The following HUNK variants were observed in gnomAD, a reference collection of about 807,000 sequenced individuals.
The protein encoded by HUNK is hormonally up-regulated neu tumor-associated kinase.
HUNK carries 21 observed loss-of-function variants against 61.0 expected under a neutral mutation model. That is an observed-to-expected ratio of 0.34 (90% CI 0.24 to 0.50). The LOEUF is 0.50. Ranked by LOEUF, HUNK falls within the 20% of genes least tolerant of loss-of-function variation. HUNK has a pLI of 0.98. For synonymous variants in HUNK, 371 were observed against 386.1 expected, an observed-to-expected ratio of 0.96 and a Z score of 0.46; for missense variants, 772 against 945.7, an observed-to-expected ratio of 0.82 and a Z score of 2.41.
At chr21:31,915,240 A>G (rs1306595141) in intron 1 of HUNK, among the ~76,000 whole-genome samples, 1 of 152,144 alleles carries the variant, frequency 6.6e-6, no homozygotes. Flanking sequence ...TTATACCTAG[A>G]ACCCTGGCAG....
At chr21:31,885,679 C>T (rs914066316) in intron 1 of HUNK, among the ~76,000 whole-genome samples, 12 of 152,166 alleles carry the variant, frequency 7.9e-5, no homozygotes, top group African/African-American at 2.2e-4. Context: ...TCCTGTGTCT[C>T]TTTACATCGT....
chr21:31,931,608 C>T (rs1008993069), intron 2 of HUNK, among the ~76,000 whole-genome samples: 1 of 152,100 alleles, frequency 6.6e-6, no homozygotes, highest in Non-Finnish European at 1.5e-5. Context: ...CAGCACCTGT[C>T]CTTACTCCCT....
rs2052231849 is a variant in HUNK, at chr21:31,873,625, G to A, written c.-50G>A. 1.0e-6 allele frequency: 1 copy of A among 986,594 alleles called. No individual in the cohort carries two copies. The highest frequency in any genetic ancestry group is 1.2e-6 in the Non-Finnish European group (1 of 831,334). 61.1% of individuals were successfully genotyped at this position (986,594 alleles called of 1,614,324 possible). On this transcript the variant is annotated 5_prime_UTR_variant, in exon 1 of 11. Transcript: ENST00000270112. The surrounding 1 kb of genome is among the most constrained non-coding windows in gnomAD (Gnocchi z 6.1). ...AAGCCGAAGAGCCTGGGGAGGAGGA[G>A]CTGCGAGCGCGGGAGACGAGCAGGA... is the stretch of plus-strand genomic sequence containing the variant.
At chr21:31,936,839 G>T (rs953399733) in intron 2 of HUNK, among the ~76,000 whole-genome samples, 1 of 152,034 alleles carries the variant, frequency 6.6e-6, no homozygotes, top group African/African-American at 2.4e-5. Context: ...ACCCAACTTA[G>T]TTTTATTGTT....
At chr21:31,883,736 G>A (rs541651655) in intron 1 of HUNK, among the ~76,000 whole-genome samples, 17 of 152,228 alleles carry the variant, frequency 1.1e-4, no homozygotes, top group South Asian at 6.2e-4. Context: ...CATGGGTTTC[G>A]TCATACTCTA....
rs2053222710 is a variant in HUNK at position 31,998,652 on chromosome 21, A to G, written c.1613A>G (p.His538Arg). The change falls in exon 11 of 11, where the codon CAT becomes CGT. Residue 538 changes from histidine (H) to arginine (R), a missense_variant. By Grantham distance (29) the His-to-Arg change is conservative. Around this residue, in one of 2 missense-constraint regions of HUNK, gnomAD observed 413 missense variants for 444.4 expected, o/e 0.93. Transcript: ENST00000270112. Reference protein sequence around the residue: ...TPRIVKKPEPHQPGPGSTGIP... With the variant: ...TPRIVKKPEPRQPGPGSTGIP... The stretch of plus-strand genomic sequence containing the variant: ...AGGATTGTGAAGAAACCGGAGCCCC[A>G]TCAGCCAGGGCCCGGAAGCACTGGC... The G allele has an allele frequency of 1.2e-6, 2 of 1,614,102 alleles. No individual in the cohort carries two copies. The highest frequency in any genetic ancestry group is 1.7e-6 in the Non-Finnish European group (2 of 1,180,020).
intron 4 of HUNK, among the ~76,000 whole-genome samples, chr21:31,948,068 C>G (rs934311818): frequency 3.9e-5 from 6 of 152,162 alleles, no homozygotes; most frequent in African/African-American, 1.4e-4. Context: ...GAAGAAGAAA[C>G]CCATCATAAG....
intron 5 of HUNK, among the ~76,000 whole-genome samples, chr21:31,961,508 T>A (rs2052928610): frequency 6.6e-6 from 1 of 152,224 alleles, no homozygotes; most frequent in East Asian, 1.9e-4. Context: ...CATTTTGCAT[T>A]CCCACTAGCA....
intron 2 of HUNK, among the ~76,000 whole-genome samples, chr21:31,929,548 C>T (rs531643388): frequency 1.3e-5 from 2 of 152,180 alleles, no homozygotes; most frequent in East Asian, 1.9e-4. Context: ...TCACCAAGAA[C>T]GCCGATTCTG....
intron 9 of HUNK, 56 bp downstream of exon 9, chr21:31,990,232 A>G (rs899253178): frequency 7.3e-5 from 104 of 1,429,094 alleles, no homozygotes; most frequent in African/African-American, 3.2e-4. Flanking sequence ...AACAGAACCA[A>G]TAGAGTATGG....
chr21:31,968,745 TGTGTGTGTGA>T lies in HUNK; in HGVS notation c.1010+362_1010+371del, dbSNP rs768660754. Among the ~76,000 whole-genome samples, 234 of 142,296 alleles carry T rather than the reference TGTGTGTGTGA, an allele frequency of 1.6e-3. 1 individual carries two copies. Among genetic ancestry groups the T allele is most frequent in the South Asian group, 0.013 (60 of 4,524 alleles). The allele number at this position is 142,296 out of a possible 152,430, so 93.4% of individuals were successfully genotyped here. On this transcript the variant is annotated intron_variant, in intron 6 of 10. Coordinates refer to ENST00000270112, the MANE Select transcript of HUNK (RefSeq NM_014586.2). Reference sequence around the variant, plus strand: ...GTGTGTGTGTGTGTGTGTGTGTGTGTGTGTGTGTGAGAGAGAGAGAGTGAGTGTCTATGTC... The same window carrying T: ...GTGTGTGTGTGTGTGTGTGTGTGTGTGAGAGAGAGAGTGAGTGTCTATGTC...
chr21:31,921,728 C>A (rs943438479), intron 1 of HUNK, among the ~76,000 whole-genome samples: 5 of 152,164 alleles, frequency 3.3e-5, no homozygotes, highest in Admixed American at 3.3e-4. Flanking sequence ...TTAGTTCACC[C>A]TGGGGGTGGC....
chr21:31,995,628 C>A (rs2053199109), intron 9 of HUNK, 140 bp from the exon 10 acceptor site: 1 of 729,664 alleles, frequency 1.4e-6, no homozygotes, highest in Non-Finnish European at 2.3e-6. Flanking sequence ...ACAGCTCCTC[C>A]CTCATTCAAC....
intron 1 of HUNK, among the ~76,000 whole-genome samples, chr21:31,881,228 A>G (rs771365577): frequency 6.6e-6 from 1 of 152,196 alleles, no homozygotes; most frequent in Non-Finnish European, 1.5e-5. Flanking sequence ...TCCATACCAT[A>G]TGGACCGTAG....
intron 4 of HUNK, among the ~76,000 whole-genome samples, chr21:31,947,342 T>C (rs1195852216): frequency 2.1e-5 from 3 of 144,708 alleles, no homozygotes; most frequent in Non-Finnish European, 4.5e-5. Flanking sequence ...CAGTGGCGCC[T>C]GCGCATTCCC....
chr21:31,899,351 G>T (rs2052447483), intron 1 of HUNK, among the ~76,000 whole-genome samples: 1 of 152,142 alleles, frequency 6.6e-6, no homozygotes, highest in South Asian at 2.1e-4. Context: ...CCTAGCTCTG[G>T]TGGTTGCCTG....
intron 1 of HUNK, among the ~76,000 whole-genome samples, chr21:31,904,853 A>G (rs2052494005): frequency 6.6e-6 from 1 of 152,166 alleles, no homozygotes; most frequent in African/African-American, 2.4e-5. Context: ...GCACTTTGGG[A>G]GGCCAAGGTG....
At position 31,997,786 on chromosome 21, in the gene HUNK, T is replaced by A. The variant is rs192592090; in HGVS notation, c.1487-740T>A. Among the ~76,000 whole-genome samples, 359 of 152,356 alleles carry A rather than the reference T, an allele frequency of 2.4e-3. 2 individuals are homozygous for A. The highest frequency in any genetic ancestry group is 8.0e-3 in the African/African-American group (334 of 41,590). On this transcript the variant is annotated intron_variant, in intron 10 of 10. Coordinates refer to ENST00000270112, the MANE Select transcript of HUNK (RefSeq NM_014586.2). ...GGGAAACATGTCTTCCACTGTGGGC[T>A]GTCCAAGGACCAGATTGGCAGGAAT...
intron 1 of HUNK, among the ~76,000 whole-genome samples, chr21:31,908,968 A>G (rs1247999603): frequency 6.6e-6 from 1 of 152,140 alleles, no homozygotes; most frequent in African/African-American, 2.4e-5. Flanking sequence ...AAAAACTTGT[A>G]AACTGGGCCC....
Sources: gnomAD v4.1 joint callset for allele counts (sites outside exome capture counted in the v4.1 genomes callset) on GRCh38, gnomAD v4.1.1 for gene constraint, gnomAD v4.1.1 regional missense constraint, Gnocchi (gnomAD v3.1) non-coding constraint, MANE v1.5 for transcripts, NCBI Gene and HGNC (gene_info 2026-07-23, HGNC 2026-07-21) for gene names.